Variants in RALGAPA2 observed in about 807,000 individuals in gnomAD.
RALGAPA2 encodes ral GTPase-activating protein subunit alpha-2.
In RALGAPA2, 139 loss-of-function variants were observed where a neutral mutation model predicts 230.4. That is an observed-to-expected ratio of 0.60 (90% CI 0.53 to 0.69). RALGAPA2 has a LOEUF of 0.69. Among genes scored for constraint, RALGAPA2 ranks in the 30% least tolerant of loss-of-function variants. RALGAPA2 has a pLI of 0.00. For synonymous variants in RALGAPA2, 847 were observed against 837.8 expected, an observed-to-expected ratio of 1.01 and a Z score of -0.19; for missense variants, 2,163 against 2,276.0, an observed-to-expected ratio of 0.95 and a Z score of 1.01.
chr20:20,643,001 A>G (rs191852359), intron 5 of RALGAPA2, among the ~76,000 whole-genome samples: 3 of 152,346 alleles, frequency 2.0e-5, no homozygotes, highest in Admixed American at 1.3e-4. Context: ...TTCAAAATAA[A>G]CCAATTTTAA....
intron 36 of RALGAPA2, among the ~76,000 whole-genome samples, chr20:20,474,517 T>C (rs1408671906): frequency 6.6e-6 from 1 of 152,192 alleles, no homozygotes; most frequent in Non-Finnish European, 1.5e-5. Flanking sequence ...TGGTGACTAC[T>C]GAATAAAGCA....
intron 31 of RALGAPA2, among the ~76,000 whole-genome samples, chr20:20,516,416 T>C (rs548894862): frequency 6.6e-6 from 1 of 152,338 alleles, no homozygotes; most frequent in Non-Finnish European, 1.5e-5. Flanking sequence ...GGCTGCAAGC[T>C]AGCTGATGCA....
chr20:20,456,149 T>C (rs986617371), intron 37 of RALGAPA2, among the ~76,000 whole-genome samples: 26 of 152,242 alleles, frequency 1.7e-4, no homozygotes, highest in Non-Finnish European at 3.7e-4. Flanking sequence ...CCCATGCACA[T>C]TGTAAAGACA....
chr20:20,479,914 C>T (rs1403392387), intron 36 of RALGAPA2, among the ~76,000 whole-genome samples: 1 of 152,178 alleles, frequency 6.6e-6, no homozygotes, highest in Non-Finnish European at 1.5e-5. Context: ...GAGTGTTTAT[C>T]AAAGTCAATG....
At chr20:20,445,722 C>A (rs191891721) in intron 37 of RALGAPA2, among the ~76,000 whole-genome samples, 27 of 152,294 alleles carry the variant, frequency 1.8e-4, no homozygotes, top group Admixed American at 1.7e-3. Flanking sequence ...AGGAATTACA[C>A]TTCCATGTAA....
rs2064218849 is a variant in RALGAPA2, at chr20:20,560,293, CTTA to C, written c.3156+11162_3156+11164del. Among the ~76,000 whole-genome samples, 5 of 152,310 alleles carry C rather than the reference CTTA, an allele frequency of 3.3e-5. No individual in the cohort carries two copies. The South Asian group carries it at 1.0e-3, about 32-fold the overall frequency. ...AATGGTAGGTATTTTGTTTTAATGT[CTTA>C]TTATTAAAAGCTTCTCTTTTGCTAA... On this transcript the variant is annotated intron_variant, in intron 23 of 39. Transcript: ENST00000202677.
chr20:20,473,017 G>T, intron 36 of RALGAPA2, 61 bp from the exon 37 acceptor site: 1 of 1,509,968 alleles, frequency 6.6e-7, no homozygotes, highest in South Asian at 1.3e-5. Flanking sequence ...TCAAAGATAT[G>T]AGAGTAGCTG....
chr20:20,415,792 C>T (rs959104194), intron 37 of RALGAPA2, among the ~76,000 whole-genome samples: 1 of 152,184 alleles, frequency 6.6e-6, no homozygotes, highest in Non-Finnish European at 1.5e-5. Flanking sequence ...TTACTGGTTA[C>T]ATTTTATCAA....
chr20:20,580,634 G>A (rs1343416759), intron 20 of RALGAPA2, among the ~76,000 whole-genome samples: 1 of 152,134 alleles, frequency 6.6e-6, no homozygotes, highest in Non-Finnish European at 1.5e-5. Flanking sequence ...CCTGTTTCCA[G>A]GGATCCGTGA....
At chr20:20,606,231 C>A (rs1179890129) in intron 14 of RALGAPA2, among the ~76,000 whole-genome samples, 7 of 152,180 alleles carry the variant, frequency 4.6e-5, no homozygotes, top group Admixed American at 4.6e-4. Context: ...ATCCCCCAGG[C>A]AACAGACTGC....
intron 10 of RALGAPA2, among the ~76,000 whole-genome samples, chr20:20,622,364 T>C (rs2066350226): frequency 6.6e-6 from 1 of 152,040 alleles, no homozygotes. Context: ...ATCCTTAGAT[T>C]TAAGAATCAC....
At chr20:20,704,076 G>GT (rs1457847514) in intron 1 of RALGAPA2, among the ~76,000 whole-genome samples, 3 of 152,146 alleles carry the variant, frequency 2.0e-5, no homozygotes, top group Admixed American at 6.6e-5. Flanking sequence ...CACCACATGA[G>GT]TAAGAAAACT....
chr20:20,405,723 C>T (rs1443730224), intron 38 of RALGAPA2, among the ~76,000 whole-genome samples: 4 of 152,168 alleles, frequency 2.6e-5, no homozygotes, highest in African/African-American at 4.8e-5. Flanking sequence ...TTCGCTGGCT[C>T]CTGACTTCCC....
At chr20:20,565,752 T>TA (rs2064399031) in intron 23 of RALGAPA2, among the ~76,000 whole-genome samples, 1 of 152,208 alleles carries the variant, frequency 6.6e-6, no homozygotes, top group African/African-American at 2.4e-5. Context: ...GCTAAAATTT[T>TA]AAAAATACAA....
intron 23 of RALGAPA2, 105 bp from the exon 24 acceptor site, chr20:20,546,937 G>A (rs1015854667): frequency 8.4e-7 from 1 of 1,184,646 alleles, no homozygotes; most frequent in Non-Finnish European, 1.1e-6. Context: ...ATCCAAGAGA[G>A]CACAGATTAC....
At chr20:20,575,564 G>A (rs954600937) in intron 20 of RALGAPA2, among the ~76,000 whole-genome samples, 1 of 152,012 alleles carries the variant, frequency 6.6e-6, no homozygotes. Flanking sequence ...CCATTTTCTA[G>A]GGTGAAAAAG....
At chr20:20,404,762 G>A (rs1421810709) in intron 38 of RALGAPA2, among the ~76,000 whole-genome samples, 2 of 152,210 alleles carry the variant, frequency 1.3e-5, no homozygotes, top group African/African-American at 4.8e-5. Flanking sequence ...GGAGGAAGAT[G>A]CCACCTGCAC....
At chr20:20,701,885 C>T (rs1238530649) in intron 1 of RALGAPA2, among the ~76,000 whole-genome samples, 4 of 151,420 alleles carry the variant, frequency 2.6e-5, no homozygotes, top group Admixed American at 1.3e-4. Context: ...ACTAAAAATA[C>T]AAAAATTAGC....
At chr20:20,480,944 C>G (rs1391200018) in intron 36 of RALGAPA2, among the ~76,000 whole-genome samples, 1 of 152,164 alleles carries the variant, frequency 6.6e-6, no homozygotes, top group Non-Finnish European at 1.5e-5. Context: ...GATTTCCTTA[C>G]CACCTGCAGA....
Sources: gnomAD v4.1 joint callset for allele counts (sites outside exome capture counted in the v4.1 genomes callset) on GRCh38, gnomAD v4.1.1 for gene constraint, MANE v1.5 for transcripts, NCBI Gene and HGNC (gene_info 2026-07-23, HGNC 2026-07-21) for gene names.